The following CELF2 variants were observed in gnomAD, a reference collection of about 807,000 sequenced individuals.
CELF2 encodes the protein CUGBP Elav-like family member 2.
In CELF2, 8 loss-of-function variants were observed where a neutral mutation model predicts 62.6. The observed-to-expected ratio is 0.13, with a 90% CI of 0.07 to 0.23. CELF2 has a LOEUF of 0.23. CELF2 is among the 10% of genes least tolerant of loss of function. The pLI, the probability that CELF2 is intolerant of heterozygous loss-of-function variation, is 1.00. For synonymous variants in CELF2, 258 were observed against 250.0 expected, an observed-to-expected ratio of 1.03 and a Z score of -0.30; for missense variants, 333 against 671.0, an observed-to-expected ratio of 0.50 and a Z score of 5.56.
At chr10:11,067,855 A>G (rs1414671193) in intron 1 of CELF2, among the ~76,000 whole-genome samples, 1 of 152,232 alleles carries the variant, frequency 6.6e-6, no homozygotes, top group African/African-American at 2.4e-5. Flanking sequence ...TCCCGTCTGT[A>G]AAGTGAAAAT....
At chr10:10,543,300 T>A in the CELF2 span, among the ~76,000 whole-genome samples, 1 of 151,944 alleles carries the variant, frequency 6.6e-6, no homozygotes, top group Non-Finnish European at 1.5e-5. Flanking sequence ...TCTTTCCATT[T>A]CTCCGTCTAA....
intron 1 of CELF2, among the ~76,000 whole-genome samples, chr10:11,023,597 C>A (rs1342424355): frequency 6.6e-6 from 1 of 152,170 alleles, no homozygotes; most frequent in Non-Finnish European, 1.5e-5. Context: ...TTAGTGAGAG[C>A]TTTAGACTCC....
intron 1 of CELF2, among the ~76,000 whole-genome samples, chr10:11,106,475 G>C (rs1259114261): frequency 6.6e-6 from 1 of 152,186 alleles, no homozygotes; most frequent in Non-Finnish European, 1.5e-5. Context: ...GACCTCAAGT[G>C]ATCTGCCCTC....
At chr10:10,596,899 T>A in the CELF2 span, among the ~76,000 whole-genome samples, 1 of 152,210 alleles carries the variant, frequency 6.6e-6, no homozygotes, top group Non-Finnish European at 1.5e-5. Flanking sequence ...TAACTCCCAC[T>A]TCTCCTCAGA....
At chr10:10,632,189 C>T in the CELF2 span, among the ~76,000 whole-genome samples, 2 of 152,148 alleles carry the variant, frequency 1.3e-5, no homozygotes, top group Admixed American at 1.3e-4. Context: ...GAATTCATTT[C>T]TAGATTTAAA....
At chr10:11,233,192 A>C (rs2069529041) in intron 3 of CELF2, among the ~76,000 whole-genome samples, 1 of 152,204 alleles carries the variant, frequency 6.6e-6, no homozygotes, top group South Asian at 2.1e-4. Flanking sequence ...GCTACAGCTC[A>C]GAATGTTGAA....
the CELF2 span, among the ~76,000 whole-genome samples, chr10:10,721,617 A>G: frequency 2.6e-5 from 4 of 152,144 alleles, no homozygotes; most frequent in Admixed American, 2.6e-4. Flanking sequence ...TTAAATTTTA[A>G]TTTTTAGGAA....
At chr10:11,066,878 C>T (rs927474918) in intron 1 of CELF2, among the ~76,000 whole-genome samples, 1 of 152,140 alleles carries the variant, frequency 6.6e-6, no homozygotes, top group Non-Finnish European at 1.5e-5. Flanking sequence ...TGCTGCATCT[C>T]CTCCCTTCCC....
At chr10:10,520,221 A>G in the CELF2 span, among the ~76,000 whole-genome samples, 1 of 152,212 alleles carries the variant, frequency 6.6e-6, no homozygotes. Context: ...ATAAATTTTT[A>G]TGGATGCAAG....
At chr10:10,685,116 A>G in the CELF2 span, among the ~76,000 whole-genome samples, 1 of 152,138 alleles carries the variant, frequency 6.6e-6, no homozygotes, top group Non-Finnish European at 1.5e-5. Context: ...GGTAAACCCT[A>G]TGCTTATTCT....
chr10:10,469,463 A>G, the CELF2 span, among the ~76,000 whole-genome samples: 8 of 151,904 alleles, frequency 5.3e-5, no homozygotes, highest in African/African-American at 9.7e-5. Context: ...CACATAAAGG[A>G]GGTGAAGTCC....
chr10:11,064,061 A>G (rs944475711), intron 1 of CELF2, among the ~76,000 whole-genome samples: 1 of 152,218 alleles, frequency 6.6e-6, no homozygotes, highest in Non-Finnish European at 1.5e-5. Flanking sequence ...CGTGTCAGGC[A>G]TGATTCCCAG....
intron 2 of CELF2, among the ~76,000 whole-genome samples, chr10:11,193,194 G>A (rs1232799005): frequency 6.6e-6 from 1 of 152,136 alleles, no homozygotes; most frequent in Non-Finnish European, 1.5e-5. Context: ...TTGGAGAGCT[G>A]GATTTTCTCA....
At chr10:10,893,669 G>A (rs2062321000) in intron 1 of CELF2, among the ~76,000 whole-genome samples, 1 of 152,180 alleles carries the variant, frequency 6.6e-6, no homozygotes, top group Non-Finnish European at 1.5e-5. Flanking sequence ...CTTCCAAGGA[G>A]ACCTCAGGAA....
At chr10:10,891,673 CT>C (rs2062153762) in intron 1 of CELF2, among the ~76,000 whole-genome samples, 1 of 152,182 alleles carries the variant, frequency 6.6e-6, no homozygotes, top group South Asian at 2.1e-4. Flanking sequence ...CATTCCATGA[CT>C]CGATGCGGCT....
intron 1 of CELF2, among the ~76,000 whole-genome samples, chr10:11,082,034 C>T (rs1451186443): frequency 6.6e-6 from 1 of 152,164 alleles, no homozygotes; most frequent in Non-Finnish European, 1.5e-5. Flanking sequence ...CAGTTTATCA[C>T]AGAGTGGCAT....
chr10:11,135,875 T>G (rs987783870), intron 1 of CELF2, among the ~76,000 whole-genome samples: 1 of 152,142 alleles, frequency 6.6e-6, no homozygotes, highest in Admixed American at 6.5e-5. Context: ...AGGGTACAGA[T>G]TCTAGCATCT....
chr10:10,956,968 C>T (rs1417380732), intron 2 of CELF2, among the ~76,000 whole-genome samples: 3 of 151,806 alleles, frequency 2.0e-5, no homozygotes, highest in Non-Finnish European at 4.4e-5. Context: ...GTGATTTGCT[C>T]AAAGTGGGTT....
At chr10:11,042,361 C>T (rs991657910) in intron 1 of CELF2, among the ~76,000 whole-genome samples, 8 of 152,190 alleles carry the variant, frequency 5.3e-5, no homozygotes, top group African/African-American at 1.9e-4. Context: ...AATTGGTGGA[C>T]ATCTTGGTTA....
Sources: gnomAD v4.1 joint callset for allele counts (sites outside exome capture counted in the v4.1 genomes callset) on GRCh38, gnomAD v4.1.1 for gene constraint, MANE v1.5 for transcripts, NCBI Gene and HGNC (gene_info 2026-07-23, HGNC 2026-07-21) for gene names.